Variants in RPL26L1 observed in about 807,000 individuals in gnomAD.
RPL26L1 encodes ribosomal protein L26 like 1.
A neutral mutation model predicts 15.2 loss-of-function variants in RPL26L1; 8 were observed. That is an observed-to-expected ratio of 0.53 (90% CI 0.31 to 0.95). The LOEUF (loss-of-function observed/expected upper bound fraction) is 0.95, where lower values mean the gene tolerates loss of function less well. Ranked by LOEUF, RPL26L1 falls within the 40% of genes least tolerant of loss-of-function variation. RPL26L1 has a pLI of 0.05. For synonymous variants in RPL26L1, 51 were observed against 65.9 expected (o/e 0.77, Z 1.09); for missense variants, 146 against 190.9 (o/e 0.76, Z 1.39).
In RPL26L1 at chr5:172,963,556, G is replaced by A. The variant is rs147751346; in HGVS notation, c.168+3515G>A. ...CCCGCTGGAATGTTCTCTCTGCCTG[G>A]AGTGCTCTTCCTTCTCTCCTTTACA... On this transcript the variant is annotated intron_variant, in intron 2 of 3. Transcript: ENST00000265100. Among the ~76,000 whole-genome samples the A allele has an allele frequency of 6.8e-3, 1,033 of 152,096 alleles. 55 individuals are homozygous for A. The highest frequency in any genetic ancestry group is 0.06 in the Admixed American group (922 of 15,260).
At chr5:172,963,352 C>G (rs1365044997) in intron 2 of RPL26L1, among the ~76,000 whole-genome samples, 1 of 145,234 alleles carries the variant, frequency 6.9e-6, no homozygotes, top group Non-Finnish European at 1.5e-5. Context: ...CCAGCCTGGG[C>G]AACAGAGTAA....
chr5:172,954,648 G>C (rs1021843247), upstream of RPL26L1: 2 of 261,642 alleles, frequency 7.6e-6, no homozygotes, highest in Middle Eastern at 1.5e-3. Context: ...GAGAGAGACA[G>C]AGAACGGAAC....
Position 172,964,281 on chromosome 5 carries a change from CTT to C in RPL26L1, c.169-4158_169-4157del, listed in dbSNP as rs1204432096. On this transcript the variant is annotated intron_variant, in intron 2 of 3. Transcript: ENST00000265100. ...TGAGCCACAGTGTCTGGCCTGTTGCCTTTTTTTTTTTTTTTTTTTTTGAGACA... is the reference window on the plus strand; with the variant it reads ...TGAGCCACAGTGTCTGGCCTGTTGCCTTTTTTTTTTTTTTTTTTTGAGACA... Among the ~76,000 whole-genome samples the C allele has an allele frequency of 6.0e-5, 6 of 99,234 alleles. 1 individual carries two copies. In the South Asian group the frequency reaches 1.3e-3, roughly 21 times the overall value. The allele number at this position is 99,234 out of a possible 152,430, so 65.1% of individuals were successfully genotyped here. A position where few individuals can be genotyped will look rare whatever the true frequency, so the allele number is the denominator to read the frequency against.
Position 172,969,622 on chromosome 5 carries a change from G to A in RPL26L1, c.*81G>A, listed in dbSNP as rs1175583467. On this transcript the variant is annotated 3_prime_UTR_variant, in exon 4 of 4. Transcript: ENST00000265100. ...TTCTTTCGAACTTTTCGGAATGTCTGGAACATTTCATTTCCTGTTTTGTTA... is the reference window on the plus strand; with the variant it reads ...TTCTTTCGAACTTTTCGGAATGTCTAGAACATTTCATTTCCTGTTTTGTTA... 1 of 1,371,302 alleles carries A rather than the reference G, an allele frequency of 7.3e-7. No individual in the cohort carries two copies. The highest frequency in any genetic ancestry group is 9.9e-7 in the Non-Finnish European group (1 of 1,010,172). The allele number at this position is 1,371,302 out of a possible 1,614,324, so 84.9% of individuals were successfully genotyped here. A position where few individuals can be genotyped will look rare whatever the true frequency, so the allele number is the denominator to read the frequency against.
intron 2 of RPL26L1, 110 bp downstream of exon 2, chr5:172,960,151 C>T (rs1282321777): frequency 2.3e-6 from 3 of 1,304,706 alleles, no homozygotes; most frequent in Non-Finnish European, 3.3e-6. Context: ...TAGTGTGACC[C>T]TTCAGATGTG....
upstream of RPL26L1, among the ~76,000 whole-genome samples, chr5:172,954,190 A>T (rs886333800): frequency 6.6e-6 from 1 of 152,228 alleles, no homozygotes. Flanking sequence ...ACTAAGTTGA[A>T]TGCTTTAGAG....
At chr5:172,962,468 A>T (rs990086455) in intron 2 of RPL26L1, among the ~76,000 whole-genome samples, 1 of 151,536 alleles carries the variant, frequency 6.6e-6, no homozygotes, top group African/African-American at 2.4e-5. Context: ...AGATTGTGCC[A>T]TTGCACTCCA....
intron 2 of RPL26L1, among the ~76,000 whole-genome samples, chr5:172,960,421 A>G (rs1408471319): frequency 6.6e-6 from 1 of 152,058 alleles, no homozygotes; most frequent in Non-Finnish European, 1.5e-5. Context: ...CCCACCAAAA[A>G]TACTTTTGAT....
chr5:172,956,996 T>A (rs574669948), upstream of RPL26L1: 1 of 345,916 alleles, frequency 2.9e-6, no homozygotes, highest in African/African-American at 2.2e-5. Context: ...ATTATTCCCA[T>A]TTTTCAGATG....
chr5:172,968,965 G>A (rs1252290167), intron 3 of RPL26L1, among the ~76,000 whole-genome samples: 13 of 151,398 alleles, frequency 8.6e-5, no homozygotes, highest in African/African-American at 3.2e-4. Context: ...ACACCACCAC[G>A]CCCAGCTAAT....
At chr5:172,963,865 T>C (rs1390936561) in intron 2 of RPL26L1, among the ~76,000 whole-genome samples, 2 of 152,214 alleles carry the variant, frequency 1.3e-5, no homozygotes, top group East Asian at 3.8e-4. Context: ...ATGTGACTTA[T>C]TCCAGTTAGT....
chr5:172,959,916 C>A lies in RPL26L1; in HGVS notation c.43C>A (p.Arg15Ser). The A allele has an allele frequency of 6.2e-7, 1 of 1,614,164 alleles. No homozygotes were observed. Among genetic ancestry groups the A allele is most frequent in the Non-Finnish European group, 8.5e-7 (1 of 1,180,030 alleles). ...CGTTACCTCGGACCGCAGTAAAAAC[C>A]GCAAACGTCACTTCAATGCCCCCTC... ...PFVTSDRSKNRKRHFNAPSHV... is the reference protein window; with the variant it reads ...PFVTSDRSKNSKRHFNAPSHV... Residue 15 changes from arginine to serine, a missense_variant, in exon 2 of 4, where the codon CGC becomes AGC. Physicochemically the swap from Arg to Ser is moderately radical, Grantham distance 110. Coordinates refer to ENST00000265100, the MANE Select transcript of RPL26L1 (RefSeq NM_016093.4).
At chr5:172,963,061 A>G (rs184972980) in intron 2 of RPL26L1, among the ~76,000 whole-genome samples, 154 of 152,016 alleles carry the variant, frequency 1.0e-3, no homozygotes, top group South Asian at 3.5e-3. Context: ...GTGCTTACCA[A>G]TGGTGCCTGA....
upstream of RPL26L1, chr5:172,957,518 T>C: frequency 3.6e-6 from 1 of 277,756 alleles, no homozygotes; most frequent in East Asian, 9.9e-5. Flanking sequence ...ACCAAATAAA[T>C]TGATGAGCAA....
intron 2 of RPL26L1, among the ~76,000 whole-genome samples, chr5:172,962,160 ACCTTTGT>A (rs1471240845): frequency 1.3e-5 from 2 of 152,018 alleles, no homozygotes; most frequent in Non-Finnish European, 2.9e-5. Context: ...TCCCTCTTTT[ACCTTTGT>A]CCATTTTCCA....
intron 2 of RPL26L1, among the ~76,000 whole-genome samples, chr5:172,967,203 A>G (rs915702701): frequency 4.7e-5 from 7 of 149,098 alleles, no homozygotes; most frequent in African/African-American, 1.7e-4. Context: ...GGTGGCTCAC[A>G]CCTGTAATCC....
At position 172,959,440 on chromosome 5, in the gene RPL26L1, A is replaced by G. The variant is rs1237536469; in HGVS notation, c.-38A>G. The G allele has an allele frequency of 1.0e-6, 1 of 998,428 alleles. No individual in the cohort carries two copies. The highest frequency in any genetic ancestry group is 5.5e-5 in the Admixed American group (1 of 18,258). 61.8% of individuals were successfully genotyped at this position (998,428 alleles called of 1,614,324 possible). ...CGGAAACTCACTTCCGGCCCTGCGC[A>G]CTCAGGGTCTGAGGCAGCTAGTAGC... On this transcript the variant is annotated 5_prime_UTR_variant, in exon 1 of 4. Coordinates refer to ENST00000265100, the MANE Select transcript of RPL26L1 (RefSeq NM_016093.4).
chr5:172,968,085 A>G (rs1755537582), intron 2 of RPL26L1, among the ~76,000 whole-genome samples: 1 of 152,154 alleles, frequency 6.6e-6, no homozygotes, highest in African/African-American at 2.4e-5. Context: ...GTGCTTAGCT[A>G]GTAATGCAGA....
At chr5:172,968,803 C>CTTTTTTTTTTTTTTTTTT (rs539398008) in intron 3 of RPL26L1, among the ~76,000 whole-genome samples, 1 of 74,366 alleles carries the variant, frequency 1.3e-5, no homozygotes, top group African/African-American at 5.6e-5. Context: ...ATGGCTGTGT[C>CTTTTTTTTTTTTTTTTTT]TTTTTTTTTT....
Sources: allele counts gnomAD v4.1 joint callset (sites outside exome capture counted in the v4.1 genomes callset), GRCh38; gene constraint gnomAD v4.1.1; transcripts MANE v1.5; gene names NCBI Gene and HGNC (gene_info 2026-07-23, HGNC 2026-07-21).